Variants in MICOS10 observed in about 807,000 individuals in gnomAD.
The protein encoded by MICOS10 is mitochondrial contact site and cristae organizing system subunit 10.
A neutral mutation model predicts 13.4 loss-of-function variants in MICOS10; 5 were observed. The observed-to-expected ratio is 0.37, with a 90% CI of 0.20 to 0.78. MICOS10 has a LOEUF of 0.78. Among genes scored for constraint, MICOS10 ranks in the 30% least tolerant of loss-of-function variants. The pLI is 0.47. For synonymous variants in MICOS10, 35 were observed against 33.6 expected, an observed-to-expected ratio of 1.04 and a Z score of -0.15; for missense variants, 101 against 94.6, an observed-to-expected ratio of 1.07 and a Z score of -0.28.
At chr1:19,611,096 C>T (rs938629683) in intron 1 of MICOS10, among the ~76,000 whole-genome samples, 1 of 152,070 alleles carries the variant, frequency 6.6e-6, no homozygotes, top group South Asian at 2.1e-4. Context: ...GGATTACAGG[C>T]GCCCACCACC....
intron 1 of MICOS10, among the ~76,000 whole-genome samples, chr1:19,606,125 A>G (rs1396808999): frequency 1.3e-5 from 2 of 152,164 alleles, no homozygotes; most frequent in Non-Finnish European, 2.9e-5. Flanking sequence ...AATGAGAGGA[A>G]GCATGAACTA....
chr1:19,626,678 G>T lies in MICOS10; in HGVS notation c.*277G>T. 2.4e-6 allele frequency: 1 copy of T among 422,576 alleles called. No homozygotes were observed. The highest frequency in any genetic ancestry group is 3.5e-5 in the Admixed American group (1 of 28,744). The allele number at this position is 422,576 out of a possible 1,614,324, so 26.2% of individuals were successfully genotyped here. The stretch of plus-strand genomic sequence containing the variant: ...TTCACCTTTGGTCTCTGAGCATGAG[G>T]AGGACTGTGTGTGAACTGCCAGCAG... On this transcript the variant is annotated 3_prime_UTR_variant, in exon 4 of 4. Transcript: ENST00000322753.
chr1:19,624,470 T>G (rs978766531), intron 3 of MICOS10, among the ~76,000 whole-genome samples: 1 of 152,058 alleles, frequency 6.6e-6, no homozygotes, highest in African/African-American at 2.4e-5. Flanking sequence ...GTATTTTTAG[T>G]AGAGGTGGGG....
chr1:19,622,181 A>T (rs200168462), intron 2 of MICOS10, 34 bp downstream of exon 2: 2 of 1,557,504 alleles, frequency 1.3e-6, no homozygotes, highest in East Asian at 2.2e-5. Context: ...ACATAATGTC[A>T]TAGTGTATAC....
intron 1 of MICOS10, among the ~76,000 whole-genome samples, chr1:19,598,478 G>A (rs1461762061): frequency 2.0e-5 from 3 of 152,164 alleles, no homozygotes; most frequent in African/African-American, 7.2e-5. Flanking sequence ...ATGTCATATA[G>A]TTAAGAAAGG....
chr1:19,609,531 T>G (rs1225759479), intron 1 of MICOS10, among the ~76,000 whole-genome samples: 1 of 152,254 alleles, frequency 6.6e-6, no homozygotes. Context: ...GACTTACACA[T>G]GCGTGTTCAT....
chr1:19,626,039 C>T (rs147829069), intron 3 of MICOS10, among the ~76,000 whole-genome samples: 1 of 152,228 alleles, frequency 6.6e-6, no homozygotes, highest in East Asian at 1.9e-4. Context: ...AGACTCTTAC[C>T]GGGGTTGAGA....
intron 1 of MICOS10, chr1:19,617,169 G>A: frequency 1.8e-6 from 1 of 559,972 alleles, no homozygotes; most frequent in Non-Finnish European, 2.3e-6. Context: ...GGCTTTTCTT[G>A]AAGCAGAGCA....
chr1:19,619,560 G>T (rs72959468), intron 1 of MICOS10, among the ~76,000 whole-genome samples: 3,141 of 152,266 alleles, frequency 0.021, 109 homozygotes, highest in African/African-American at 0.071. Flanking sequence ...TTAGGCATAA[G>T]ATAAGGCCTA....
intron 1 of MICOS10, among the ~76,000 whole-genome samples, chr1:19,599,886 G>A (rs1004313805): frequency 6.6e-6 from 1 of 152,116 alleles, no homozygotes; most frequent in Non-Finnish European, 1.5e-5. Flanking sequence ...CATGCTTTCT[G>A]CGTATTCAGC....
At chr1:19,606,366 T>C (rs2094834860) in intron 1 of MICOS10, among the ~76,000 whole-genome samples, 1 of 152,182 alleles carries the variant, frequency 6.6e-6, no homozygotes, top group Non-Finnish European at 1.5e-5. Context: ...TATATGCAGC[T>C]CAGTTAACAG....
intron 1 of MICOS10, among the ~76,000 whole-genome samples, chr1:19,620,023 C>T (rs1400513742): frequency 1.3e-5 from 2 of 152,204 alleles, no homozygotes; most frequent in Non-Finnish European, 1.5e-5. Flanking sequence ...CTAGGGAAGG[C>T]AAAGTTATAT....
intron 1 of MICOS10, chr1:19,608,383 C>T (rs1474636594): frequency 8.0e-7 from 1 of 1,252,770 alleles, no homozygotes; most frequent in Non-Finnish European, 1.2e-6. Context: ...AGCTGGGTAT[C>T]ATTGCCCTAC....
At chr1:19,600,069 G>A (rs894150464) in intron 1 of MICOS10, among the ~76,000 whole-genome samples, 1 of 151,886 alleles carries the variant, frequency 6.6e-6, no homozygotes, top group African/African-American at 2.4e-5. Flanking sequence ...TAATATATTA[G>A]GTTGCCATTA....
chr1:19,623,173 C>T (rs114844231), intron 2 of MICOS10, among the ~76,000 whole-genome samples: 11,926 of 152,102 alleles, frequency 0.078, 645 homozygotes, highest in Non-Finnish European at 0.11. Flanking sequence ...CGCCCGCCTA[C>T]GCCTCCCAGA....
intron 1 of MICOS10, among the ~76,000 whole-genome samples, chr1:19,610,452 C>T (rs1276242591): frequency 5.9e-5 from 8 of 134,606 alleles, no homozygotes; most frequent in Non-Finnish European, 9.3e-5. Flanking sequence ...AATCGTGGCT[C>T]ACTGCATCTT....
At position 19,608,326 on chromosome 1, in the gene MICOS10, A is replaced by G. The variant is rs777287602; in HGVS notation, c.64+11217A>G. The stretch of plus-strand genomic sequence containing the variant: ...AGGCAGACCGAGATGAATCCTCGCC[A>G]TATGCTGCTATGTTGACCACCCAGG... On this transcript the variant is annotated intron_variant, in intron 1 of 3. Transcript: ENST00000322753. The G allele has an allele frequency of 2.7e-5, 36 of 1,309,964 alleles. No homozygotes were observed. The South Asian group carries it at 3.1e-4, about 11-fold the overall frequency. The allele number at this position is 1,309,964 out of a possible 1,614,324, so 81.1% of individuals were successfully genotyped here.
intron 1 of MICOS10, among the ~76,000 whole-genome samples, chr1:19,615,166 T>C (rs2094878888): frequency 6.6e-6 from 1 of 152,264 alleles, no homozygotes; most frequent in Non-Finnish European, 1.5e-5. Flanking sequence ...CCCTTCTTGA[T>C]CACAAGCTCC....
intron 1 of MICOS10, chr1:19,600,889 C>G (rs1480235637): frequency 7.8e-7 from 1 of 1,289,366 alleles, no homozygotes. Context: ...GCATGAGCCA[C>G]CACACCTGGT....
Sources: allele counts gnomAD v4.1 joint callset (sites outside exome capture counted in the v4.1 genomes callset), GRCh38; gene constraint gnomAD v4.1.1; transcripts MANE v1.5; gene names NCBI Gene and HGNC (gene_info 2026-07-23, HGNC 2026-07-21).